Variants in NXPH1 observed in about 807,000 individuals in gnomAD.
The protein encoded by NXPH1 is neurexophilin 1, also known as neurexophilin-1.
A neutral mutation model predicts 23.7 loss-of-function variants in NXPH1; 5 were observed. The observed-to-expected ratio is 0.21, with a 90% CI of 0.11 to 0.44. The LOEUF (loss-of-function observed/expected upper bound fraction) is 0.44, where lower values mean the gene tolerates loss of function less well. Among genes scored for constraint, NXPH1 ranks in the 20% least tolerant of loss-of-function variants. The pLI is 0.99. For missense variants in NXPH1, 324 were observed against 321.6 expected (o/e 1.01, Z -0.06); for synonymous variants, 144 against 122.2 (o/e 1.18, Z -1.18).
At chr7:8,679,771 C>A (rs1821022969) in intron 2 of NXPH1, among the ~76,000 whole-genome samples, 1 of 152,202 alleles carries the variant, frequency 6.6e-6, no homozygotes, top group Non-Finnish European at 1.5e-5. Flanking sequence ...GCCTGTAATC[C>A]CAACACTTTG....
At chr7:8,462,433 T>G (rs548803906) in intron 2 of NXPH1, among the ~76,000 whole-genome samples, 1 of 152,220 alleles carries the variant, frequency 6.6e-6, no homozygotes, top group Non-Finnish European at 1.5e-5. Context: ...TTAATCTAGA[T>G]AACAGCTCCC....
chr7:8,722,813 C>T (rs1337583631), intron 2 of NXPH1, among the ~76,000 whole-genome samples: 2 of 152,166 alleles, frequency 1.3e-5, no homozygotes, highest in South Asian at 2.1e-4. Flanking sequence ...TCTTGATAGC[C>T]TTTTGTGAGT....
intron 2 of NXPH1, among the ~76,000 whole-genome samples, chr7:8,597,269 T>G (rs1819246534): frequency 6.6e-6 from 1 of 151,996 alleles, no homozygotes; most frequent in Non-Finnish European, 1.5e-5. Flanking sequence ...TTTTGGCCAT[T>G]AAAGGGTAAA....
intron 2 of NXPH1, among the ~76,000 whole-genome samples, chr7:8,437,760 C>T (rs1263153111): frequency 6.6e-6 from 1 of 152,214 alleles, no homozygotes; most frequent in African/African-American, 2.4e-5. Flanking sequence ...AAACTGGGAG[C>T]ATTTGAAAAC....
chr7:8,537,644 A>G lies in NXPH1; in HGVS notation c.54+101877A>G, dbSNP rs149081539. On this transcript the variant is annotated intron_variant, in intron 2 of 2. Transcript: ENST00000405863. The stretch of plus-strand genomic sequence containing the variant: ...TTCAAGATGAGATTTGAGTGGGGAC[A>G]CAGCAAAACCATATCAAGCACTAAA... Among the ~76,000 whole-genome samples, 533 of 152,072 alleles carry G rather than the reference A, an allele frequency of 3.5e-3. 1 individual carries two copies. The highest frequency in any genetic ancestry group is 0.012 in the African/African-American group (503 of 41,522).
chr7:8,504,554 G>A (rs566801812), intron 2 of NXPH1, among the ~76,000 whole-genome samples: 1 of 152,102 alleles, frequency 6.6e-6, no homozygotes, highest in South Asian at 2.1e-4. Flanking sequence ...CTTAGTCATG[G>A]CTGGGACATG....
chr7:8,502,813 T>C (rs1292690887), intron 2 of NXPH1, among the ~76,000 whole-genome samples: 3 of 151,624 alleles, frequency 2.0e-5, no homozygotes. Context: ...GCCCATCTTC[T>C]GGAGTGCTGG....
chr7:8,647,833 A>T (rs2349505), intron 2 of NXPH1, among the ~76,000 whole-genome samples: 4 of 149,590 alleles, frequency 2.7e-5, no homozygotes, highest in African/African-American at 9.9e-5. Context: ...TGGCCATTTT[A>T]TCCCTAACCC....
intron 2 of NXPH1, among the ~76,000 whole-genome samples, chr7:8,665,918 CT>C (rs869056537): frequency 1.6e-3 from 43 of 27,680 alleles, no homozygotes; most frequent in Non-Finnish European, 3.1e-3. Context: ...TTTTCTTTTT[CT>C]TTTTTTTTTT....
intron 2 of NXPH1, among the ~76,000 whole-genome samples, chr7:8,477,527 T>C (rs1424137225): frequency 6.6e-6 from 1 of 152,120 alleles, no homozygotes; most frequent in African/African-American, 2.4e-5. Context: ...AAATGTACAA[T>C]AGGATAGAGA....
intron 2 of NXPH1, among the ~76,000 whole-genome samples, chr7:8,565,120 ATTCTTTCTCATATT>A (rs371297908): frequency 1.9e-4 from 29 of 151,816 alleles, no homozygotes; most frequent in African/African-American, 7.0e-4. Context: ...GGCCCTGTGT[ATTCTTTCTCATATT>A]TTCTTTCTCG....
At chr7:8,745,386 G>C (rs1307567524) in intron 2 of NXPH1, among the ~76,000 whole-genome samples, 1 of 135,388 alleles carries the variant, frequency 7.4e-6, no homozygotes, top group African/African-American at 2.7e-5. Context: ...CTTAAATGTG[G>C]AGTGTAAAAA....
intron 2 of NXPH1, among the ~76,000 whole-genome samples, chr7:8,566,105 G>T (rs994483551): frequency 2.0e-5 from 3 of 151,766 alleles, no homozygotes; most frequent in Non-Finnish European, 4.4e-5. Flanking sequence ...TATCCACTTT[G>T]CTTACCAAGT....
In NXPH1 at chr7:8,465,884, G is replaced by A. The variant is rs1200431322; in HGVS notation, c.54+30117G>A. 2.0e-5 allele frequency among the ~76,000 whole-genome samples: 3 copies of A among 152,288 alleles called. No individual in the cohort carries two copies. The South Asian group carries it at 6.2e-4, about 32-fold the overall frequency. On this transcript the variant is annotated intron_variant, in intron 2 of 2. Coordinates refer to ENST00000405863, the MANE Select transcript of NXPH1 (RefSeq NM_152745.3). ...TACTAACTAAACTGGAGACTGTTGT[G>A]TCCACAGCCTTGAAAAGCAAAGAGA... is the stretch of plus-strand genomic sequence containing the variant.
At chr7:8,443,437 G>C (rs1435962567) in intron 2 of NXPH1, among the ~76,000 whole-genome samples, 1 of 152,250 alleles carries the variant, frequency 6.6e-6, no homozygotes, top group East Asian at 1.9e-4. Context: ...CAAGGAAACT[G>C]AGGCAACCAA....
rs1196540000 is a variant in NXPH1 at position 8,435,514 on chromosome 7, A to G, written c.-110-90A>G. ...CCCTCCCTTTTTTTTTTGGTCCCCCACTCCCCGCTACGACCCCCTTTCCCC... is the reference window on the plus strand; with the variant it reads ...CCCTCCCTTTTTTTTTTGGTCCCCCGCTCCCCGCTACGACCCCCTTTCCCC... On this transcript the variant is annotated intron_variant, in intron 1 of 2. Coordinates refer to ENST00000405863, the MANE Select transcript of NXPH1 (RefSeq NM_152745.3). The surrounding 1 kb of genome is among the most constrained non-coding windows in gnomAD (Gnocchi z 5.9). 2 of 483,880 alleles carry G rather than the reference A, an allele frequency of 4.1e-6. No individual in the cohort carries two copies. Among genetic ancestry groups the G allele is most frequent in the African/African-American group, 2.1e-5 (1 of 48,630 alleles). 30.0% of individuals were successfully genotyped at this position (483,880 alleles called of 1,614,324 possible).
intron 2 of NXPH1, among the ~76,000 whole-genome samples, chr7:8,625,627 C>T (rs1819970701): frequency 6.6e-6 from 1 of 152,080 alleles, no homozygotes; most frequent in Non-Finnish European, 1.5e-5. Context: ...TCTACCAGCT[C>T]CTTTTAACTC....
chr7:8,591,116 G>T (rs562298769), intron 2 of NXPH1, among the ~76,000 whole-genome samples: 1 of 152,200 alleles, frequency 6.6e-6, no homozygotes, highest in Admixed American at 6.5e-5. Flanking sequence ...CACACCTACA[G>T]TTACCAAAGA....
intron 2 of NXPH1, among the ~76,000 whole-genome samples, chr7:8,714,390 G>GGCCTGGAA (rs1419959587): frequency 1.3e-5 from 2 of 151,988 alleles, no homozygotes; most frequent in African/African-American, 4.8e-5. Flanking sequence ...CAAGAGCCAA[G>GGCCTGGAA]GCCTGGAACT....
Sources: allele counts gnomAD v4.1 joint callset (sites outside exome capture counted in the v4.1 genomes callset), GRCh38; gene constraint gnomAD v4.1.1; non-coding constraint Gnocchi (gnomAD v3.1); transcripts MANE v1.5; gene names NCBI Gene and HGNC (gene_info 2026-07-23, HGNC 2026-07-21).